The following SLC35F3 variants were observed in gnomAD, a reference collection of about 807,000 sequenced individuals.
SLC35F3 encodes putative thiamine transporter SLC35F3.
SLC35F3 carries 25 observed loss-of-function variants against 49.9 expected under a neutral mutation model. The observed-to-expected ratio is 0.50, with a 90% confidence interval of 0.37 to 0.70. SLC35F3 has a LOEUF of 0.70. SLC35F3 is among the 30% of genes least tolerant of loss of function. The pLI is 0.00. For synonymous variants in SLC35F3, 275 were observed against 265.4 expected (o/e 1.04, Z -0.35); for missense variants, 525 against 639.8 (o/e 0.82, Z 1.94).
chr1:234,166,758 C>A (rs1666326658), intron 2 of SLC35F3, among the ~76,000 whole-genome samples: 1 of 152,228 alleles, frequency 6.6e-6, no homozygotes, highest in Non-Finnish European at 1.5e-5. Context: ...ACTCTCGAAC[C>A]ATTCTGGATG....
At chr1:234,180,556 G>A (rs896270405) in intron 2 of SLC35F3, among the ~76,000 whole-genome samples, 1 of 152,154 alleles carries the variant, frequency 6.6e-6, no homozygotes, top group Non-Finnish European at 1.5e-5. Context: ...CAGGCATCTG[G>A]TTAGGAGAGA....
At chr1:233,954,981 T>C (rs1026350508) in intron 2 of SLC35F3, among the ~76,000 whole-genome samples, 1 of 152,106 alleles carries the variant, frequency 6.6e-6, no homozygotes, top group Non-Finnish European at 1.5e-5. Context: ...GTAGCTGGGA[T>C]TACAGGCACA....
At chr1:234,187,712 A>ACCT (rs1666666075) in intron 2 of SLC35F3, among the ~76,000 whole-genome samples, 1 of 152,176 alleles carries the variant, frequency 6.6e-6, no homozygotes, top group East Asian at 1.9e-4. Context: ...ACCTGAGTGA[A>ACCT]CTACAGAGGT....
In SLC35F3 at chr1:234,000,741, T is replaced by C. The variant is rs142191085; in HGVS notation, c.283+94983T>C. ...AGTACAAATGGGAGTTAGCACATTG[T>C]CGAGCTTACAGAGGAAGTCACACAG... On this transcript the variant is annotated intron_variant, in intron 2 of 7. Transcript: ENST00000366618. Among the ~76,000 whole-genome samples the C allele has an allele frequency of 3.4e-3, 514 of 152,320 alleles. 5 individuals are homozygous for C. Among genetic ancestry groups the C allele is most frequent in the Middle Eastern group, 6.8e-3 (2 of 294 alleles).
At chr1:234,102,784 G>A (rs940479163) in intron 2 of SLC35F3, among the ~76,000 whole-genome samples, 3 of 152,164 alleles carry the variant, frequency 2.0e-5, no homozygotes, top group Non-Finnish European at 4.4e-5. Flanking sequence ...GGCTTTCCAC[G>A]CGAAGATTCC....
intron 2 of SLC35F3, among the ~76,000 whole-genome samples, chr1:234,125,075 A>G (rs930451548): frequency 6.6e-6 from 1 of 152,096 alleles, no homozygotes; most frequent in Non-Finnish European, 1.5e-5. Context: ...GAATAGGGGA[A>G]TGTCTCAGAA....
intron 2 of SLC35F3, among the ~76,000 whole-genome samples, chr1:234,069,545 G>A (rs917909753): frequency 3.3e-5 from 5 of 152,068 alleles, no homozygotes; most frequent in African/African-American, 9.7e-5. Context: ...ATGAGCCACC[G>A]CACCCGGCTG....
chr1:234,321,452 C>T (rs965841880), intron 7 of SLC35F3, among the ~76,000 whole-genome samples: 10 of 152,208 alleles, frequency 6.6e-5, no homozygotes. Flanking sequence ...CACCTGAGCT[C>T]CTGGACAGCT....
intron 2 of SLC35F3, among the ~76,000 whole-genome samples, chr1:233,988,440 GCTT>G (rs1346489647): frequency 5.3e-5 from 8 of 152,272 alleles, no homozygotes; most frequent in Middle Eastern, 3.4e-3. Context: ...GAATCTAACT[GCTT>G]CTGATACAGA....
At chr1:233,967,416 G>A (rs1252390371) in intron 2 of SLC35F3, among the ~76,000 whole-genome samples, 1 of 152,142 alleles carries the variant, frequency 6.6e-6, no homozygotes, top group African/African-American at 2.4e-5. Context: ...TTATCTGGCC[G>A]ATGAACTATG....
chr1:234,098,360 G>A (rs1325386932), intron 2 of SLC35F3, among the ~76,000 whole-genome samples: 1 of 149,516 alleles, frequency 6.7e-6, no homozygotes, highest in African/African-American at 2.5e-5. Flanking sequence ...TGGCAGTTCA[G>A]ATGGTGGTGG....
chr1:233,984,066 C>T (rs887291769), intron 2 of SLC35F3, among the ~76,000 whole-genome samples: 1 of 152,200 alleles, frequency 6.6e-6, no homozygotes, highest in African/African-American at 2.4e-5. Flanking sequence ...TATGTTTCTC[C>T]TCTATGCTTT....
intron 2 of SLC35F3, among the ~76,000 whole-genome samples, chr1:234,023,566 A>G (rs1169006487): frequency 2.0e-5 from 3 of 152,164 alleles, no homozygotes; most frequent in Admixed American, 6.5e-5. Flanking sequence ...ACTTAGATAG[A>G]CACTCCACTC....
intron 2 of SLC35F3, among the ~76,000 whole-genome samples, chr1:234,182,623 C>T (rs1666575638): frequency 6.6e-6 from 1 of 152,170 alleles, no homozygotes; most frequent in African/African-American, 2.4e-5. Context: ...ATTTATACAT[C>T]ATTTTTCTGG....
chr1:234,284,568 G>A (rs1002803313), intron 3 of SLC35F3, among the ~76,000 whole-genome samples: 1 of 152,220 alleles, frequency 6.6e-6, no homozygotes, highest in Non-Finnish European at 1.5e-5. Flanking sequence ...CCTGGACAAT[G>A]TTGGAAGACG....
At chr1:233,937,016 C>T (rs1323204999) in intron 2 of SLC35F3, among the ~76,000 whole-genome samples, 2 of 152,164 alleles carry the variant, frequency 1.3e-5, no homozygotes, top group Admixed American at 1.3e-4. Context: ...CAGGCTCTGA[C>T]ATTTTGTGAT....
intron 2 of SLC35F3, among the ~76,000 whole-genome samples, chr1:234,117,962 GTGTATA>G (rs1378997655): frequency 1.9e-5 from 2 of 105,798 alleles, no homozygotes; most frequent in Non-Finnish European, 4.1e-5. Context: ...GTGTGTGTGT[GTGTATA>G]TATATATAAA....
chr1:233,974,174 C>CTTTTTT (rs757673463), intron 2 of SLC35F3, among the ~76,000 whole-genome samples: 1,300 of 83,110 alleles, frequency 0.016, 9 homozygotes, highest in Middle Eastern at 0.024. Flanking sequence ...ATTTCTATTT[C>CTTTTTT]TTTTTTTTTT....
At chr1:233,996,725 G>A (rs1572013336) in intron 2 of SLC35F3, among the ~76,000 whole-genome samples, 1 of 152,160 alleles carries the variant, frequency 6.6e-6, no homozygotes, top group South Asian at 2.1e-4. Context: ...TTGGGGGTTG[G>A]GAGGGACCAG....
Sources: allele counts gnomAD v4.1 joint callset (sites outside exome capture counted in the v4.1 genomes callset), GRCh38; gene constraint gnomAD v4.1.1; transcripts MANE v1.5; gene names NCBI Gene and HGNC (gene_info 2026-07-23, HGNC 2026-07-21).